Variants in PCCA observed in about 807,000 individuals in gnomAD.
PCCA encodes propionyl-CoA carboxylase alpha chain, mitochondrial.
PCCA carries 74 observed loss-of-function variants against 101.3 expected under a neutral mutation model. That is an observed-to-expected ratio of 0.73 (90% CI 0.61 to 0.89). The LOEUF (loss-of-function observed/expected upper bound fraction) is 0.89, where lower values mean the gene tolerates loss of function less well. Among genes scored for constraint, PCCA ranks in the 40% least tolerant of loss-of-function variants. The probability of loss-of-function intolerance (pLI) is 0.00; values close to 1 mark genes in which losing one functional copy is unlikely to be tolerated. For missense variants in PCCA, 891 were observed against 907.0 expected, an observed-to-expected ratio of 0.98 and a Z score of 0.23; for synonymous variants, 294 against 313.6, an observed-to-expected ratio of 0.94 and a Z score of 0.66.
At chr13:100,372,959 G>A (rs1226579437) in intron 19 of PCCA, among the ~76,000 whole-genome samples, 1 of 152,080 alleles carries the variant, frequency 6.6e-6, no homozygotes, top group Non-Finnish European at 1.5e-5. Flanking sequence ...GGCCAGGCTG[G>A]TCTCGAACTC....
intron 19 of PCCA, among the ~76,000 whole-genome samples, chr13:100,376,978 C>T (rs899351436): frequency 7.2e-5 from 11 of 152,168 alleles, no homozygotes; most frequent in South Asian, 4.1e-4. Context: ...TTGTGAAGAC[C>T]GTGGGAAACG....
intron 18 of PCCA, among the ~76,000 whole-genome samples, chr13:100,341,979 A>ATATATATATATGTATG (rs966272516): frequency 8.7e-6 from 1 of 114,528 alleles, no homozygotes; most frequent in South Asian, 2.4e-4. Flanking sequence ...ATATATATAT[A>ATATATATATATGTATG]TATGTATTTA....
At chr13:100,338,828 G>A (rs1306280383) in intron 17 of PCCA, among the ~76,000 whole-genome samples, 2 of 151,262 alleles carry the variant, frequency 1.3e-5, no homozygotes, top group African/African-American at 4.9e-5. Flanking sequence ...TCAGGGAGCA[G>A]ATAGATTACT....
intron 15 of PCCA, among the ~76,000 whole-genome samples, chr13:100,308,205 T>A (rs9300600): frequency 1.3e-5 from 2 of 152,204 alleles, no homozygotes; most frequent in Non-Finnish European, 2.9e-5. Flanking sequence ...GATACATCTG[T>A]ATTGAGGAAT....
At chr13:100,133,221 C>A (rs556455010) in intron 4 of PCCA, among the ~76,000 whole-genome samples, 1 of 152,256 alleles carries the variant, frequency 6.6e-6, no homozygotes, top group African/African-American at 2.4e-5. Context: ...TAAGCTTTGC[C>A]TGTTTTTTAA....
At chr13:100,471,920 G>T (rs2083048499) in intron 21 of PCCA, among the ~76,000 whole-genome samples, 1 of 152,138 alleles carries the variant, frequency 6.6e-6, no homozygotes, top group Admixed American at 6.5e-5. Flanking sequence ...TTGCTCCTTA[G>T]CTCAGCAGAG....
At chr13:100,388,413 G>A (rs963892851) in intron 19 of PCCA, among the ~76,000 whole-genome samples, 2 of 152,126 alleles carry the variant, frequency 1.3e-5, no homozygotes, top group Admixed American at 1.3e-4. Flanking sequence ...GCAGTGAGCT[G>A]TGATCGTGCC....
At chr13:100,222,540 A>T (rs1423271683) in intron 7 of PCCA, among the ~76,000 whole-genome samples, 1 of 152,216 alleles carries the variant, frequency 6.6e-6, no homozygotes, top group Non-Finnish European at 1.5e-5. Flanking sequence ...GTTTAGATAT[A>T]TTGAGTATAA....
intron 21 of PCCA, among the ~76,000 whole-genome samples, chr13:100,501,810 G>A (rs1403285813): frequency 6.6e-6 from 1 of 152,092 alleles, no homozygotes; most frequent in Admixed American, 6.6e-5. Flanking sequence ...GGTGGCGGAG[G>A]TTGGGCTGAG....
intron 12 of PCCA, among the ~76,000 whole-genome samples, chr13:100,288,045 A>G (rs1052401361): frequency 3.9e-5 from 6 of 152,172 alleles, no homozygotes; most frequent in Non-Finnish European, 2.9e-5. Context: ...CAATTCCTCT[A>G]TATATCTTTT....
At chr13:100,468,199 G>A (rs113380324) in intron 21 of PCCA, among the ~76,000 whole-genome samples, 4,639 of 152,264 alleles carry the variant, frequency 0.03, 262 homozygotes, top group African/African-American at 0.11. Context: ...CTAAACAGAT[G>A]TGCTGTCATC....
At chr13:100,281,877 A>G (rs1016400064) in intron 12 of PCCA, among the ~76,000 whole-genome samples, 1 of 152,174 alleles carries the variant, frequency 6.6e-6, no homozygotes, top group African/African-American at 2.4e-5. Context: ...GACCCTTTAT[A>G]TCCACTTTGC....
chr13:100,444,620 T>A (rs1223356509), intron 20 of PCCA, among the ~76,000 whole-genome samples: 1 of 151,838 alleles, frequency 6.6e-6, no homozygotes, highest in Non-Finnish European at 1.5e-5. Context: ...TTTTTGTATT[T>A]TTAGTAGAGA....
chr13:100,378,303 A>G (rs560560911), intron 19 of PCCA, among the ~76,000 whole-genome samples: 1 of 152,328 alleles, frequency 6.6e-6, no homozygotes, highest in African/African-American at 2.4e-5. Flanking sequence ...GTCGACTGTT[A>G]GTCTGATGGG....
chr13:100,530,104 TC>T lies in PCCA; in HGVS notation c.2126del (p.Ser709LeufsTer44). Reference protein sequence around the residue: ...MTAGKTGTVKSVHCQAGDTVG... With the variant: ...MTAGKTGTVKXVHCQAGDTVG... ...GCATTTTTCAAAATTCAAGGTGAAATCTGTGCACTGTCAAGCTGGAGACACA... is the reference window on the plus strand; with the variant it reads ...GCATTTTTCAAAATTCAAGGTGAAATTGTGCACTGTCAAGCTGGAGACACA... On this transcript the variant is annotated frameshift_variant, in exon 24 of 24. Coordinates refer to ENST00000376285, the MANE Select transcript of PCCA (RefSeq NM_000282.4). LOFTEE classifies it high-confidence loss of function. 6.2e-7 allele frequency: 1 copy of T among 1,613,934 alleles called. No individual in the cohort carries two copies.
At chr13:100,395,168 T>C (rs1420053089) in intron 19 of PCCA, among the ~76,000 whole-genome samples, 1 of 152,240 alleles carries the variant, frequency 6.6e-6, no homozygotes, top group Non-Finnish European at 1.5e-5. Flanking sequence ...TTTAGACTGT[T>C]CAAGCTTAAA....
chr13:100,136,130 C>G (rs2051132704), intron 4 of PCCA, among the ~76,000 whole-genome samples: 1 of 148,368 alleles, frequency 6.7e-6, no homozygotes, highest in African/African-American at 2.5e-5. Context: ...TAATGTTGTC[C>G]TTATAAAATT....
At chr13:100,437,226 C>T (rs2080000026) in intron 20 of PCCA, among the ~76,000 whole-genome samples, 1 of 152,186 alleles carries the variant, frequency 6.6e-6, no homozygotes, top group Admixed American at 6.5e-5. Flanking sequence ...CCCACAGAAC[C>T]ACCCGCACCT....
rs185413783 is a variant in PCCA, at chr13:100,484,493, A to C, written c.1900-30934A>C. ...TTTGATGTGTTCTGGTCGCCTCTGC[A>C]CTCCCATTCTAGACTTCTAAACAAC... On this transcript the variant is annotated intron_variant, in intron 21 of 23. Coordinates refer to ENST00000376285, the MANE Select transcript of PCCA (RefSeq NM_000282.4). 3.2e-3 allele frequency among the ~76,000 whole-genome samples: 484 copies of C among 152,216 alleles called. 10 individuals are homozygous for C. Among genetic ancestry groups the C allele is most frequent in the East Asian group, 3.3e-3 (17 of 5,176 alleles).
Sources: allele counts gnomAD v4.1 joint callset (sites outside exome capture counted in the v4.1 genomes callset), GRCh38; gene constraint gnomAD v4.1.1; transcripts MANE v1.5; gene names NCBI Gene and HGNC (gene_info 2026-07-23, HGNC 2026-07-21).